The following ATL2 variants were observed in gnomAD, a reference collection of about 807,000 sequenced individuals.
ATL2 encodes atlastin-2.
ATL2 carries 31 observed loss-of-function variants against 73.9 expected under a neutral mutation model. The observed-to-expected ratio is 0.42, with a 90% CI of 0.32 to 0.57. ATL2 has a LOEUF of 0.57. Among genes scored for constraint, ATL2 ranks in the 20% least tolerant of loss-of-function variants. The pLI is 0.14. For missense variants in ATL2, 738 were observed against 702.6 expected, an observed-to-expected ratio of 1.05 and a Z score of -0.57; for synonymous variants, 291 against 237.5, an observed-to-expected ratio of 1.23 and a Z score of -2.07.
At chr2:38,364,200 T>G (rs960157865) in intron 1 of ATL2, among the ~76,000 whole-genome samples, 1 of 152,082 alleles carries the variant, frequency 6.6e-6, no homozygotes, top group Non-Finnish European at 1.5e-5. Flanking sequence ...AGGCAGAGGT[T>G]GCAGTGAGCC....
At chr2:38,371,839 G>C (rs1284073389) in intron 1 of ATL2, among the ~76,000 whole-genome samples, 1 of 151,892 alleles carries the variant, frequency 6.6e-6, no homozygotes, top group East Asian at 2.0e-4. Context: ...GGAGATTGCA[G>C]TGAGCCAAGA....
At chr2:38,300,193 T>C in intron 10 of ATL2, 79 bp downstream of exon 10, 5 of 1,291,788 alleles carry the variant, frequency 3.9e-6, no homozygotes, top group Non-Finnish European at 4.3e-6. Flanking sequence ...ATTTTCAGCA[T>C]TTCTCTCTAA....
chr2:38,340,173 G>A (rs1388755514), intron 2 of ATL2, among the ~76,000 whole-genome samples: 1 of 67,510 alleles, frequency 1.5e-5, no homozygotes, highest in East Asian at 4.3e-4. Context: ...AGTTTTGGTG[G>A]GGGGGGGGGG....
At chr2:38,322,014 T>C (rs1332276734) in intron 2 of ATL2, among the ~76,000 whole-genome samples, 4 of 152,146 alleles carry the variant, frequency 2.6e-5, no homozygotes, top group Non-Finnish European at 4.4e-5. Context: ...GATTCTACCA[T>C]ACCAAAAAAA....
At chr2:38,333,197 G>T (rs1669102791) in intron 2 of ATL2, among the ~76,000 whole-genome samples, 2 of 152,060 alleles carry the variant, frequency 1.3e-5, no homozygotes, top group South Asian at 4.2e-4. Context: ...GCCCTTCAGG[G>T]TCGATCACCT....
intron 2 of ATL2, among the ~76,000 whole-genome samples, chr2:38,330,639 A>G (rs1056212662): frequency 6.6e-5 from 10 of 152,244 alleles, no homozygotes; most frequent in Non-Finnish European, 5.9e-5. Flanking sequence ...AAATTAAGAA[A>G]GCAATTCCAT....
At chr2:38,363,593 G>A (rs1671135999) in intron 1 of ATL2, among the ~76,000 whole-genome samples, 1 of 152,024 alleles carries the variant, frequency 6.6e-6, no homozygotes, top group African/African-American at 2.4e-5. Flanking sequence ...CCCATCTTTG[G>A]CAAGATAAGC....
chr2:38,310,525 A>C, intron 7 of ATL2, 78 bp from the exon 8 acceptor site: 1 of 1,167,118 alleles, frequency 8.6e-7, no homozygotes, highest in Non-Finnish European at 1.2e-6. Flanking sequence ...ACAGACTCGC[A>C]TGCACACTAT....
At chr2:38,361,353 C>CA (rs921670483) in intron 1 of ATL2, among the ~76,000 whole-genome samples, 5,154 of 57,038 alleles carry the variant, frequency 0.09, 168 homozygotes, top group African/African-American at 0.12. Flanking sequence ...GACTCCGTCT[C>CA]AAAAAAAAAA....
intron 4 of ATL2, among the ~76,000 whole-genome samples, chr2:38,317,346 T>C (rs1021257943): frequency 1.3e-5 from 2 of 152,194 alleles, no homozygotes; most frequent in Middle Eastern, 3.2e-3. Context: ...CAGCCACAGA[T>C]GATCTCAGAA....
At chr2:38,298,972 C>T (rs1667048270) in intron 11 of ATL2, among the ~76,000 whole-genome samples, 1 of 152,156 alleles carries the variant, frequency 6.6e-6, no homozygotes, top group African/African-American at 2.4e-5. Context: ...ACTAATGCTA[C>T]CAACATCAGA....
chr2:38,309,324 G>C, intron 9 of ATL2, 55 bp downstream of exon 9: 1 of 1,523,928 alleles, frequency 6.6e-7, no homozygotes, highest in East Asian at 2.3e-5. Flanking sequence ...ATACAGATGA[G>C]TTTTAAGTCA....
intron 2 of ATL2, among the ~76,000 whole-genome samples, chr2:38,331,649 T>C (rs1471084030): frequency 6.7e-6 from 1 of 148,254 alleles, no homozygotes; most frequent in Non-Finnish European, 1.5e-5. Context: ...TGTATACAGA[T>C]CAATGGAATA....
At chr2:38,340,932 G>C (rs1669676643) in intron 2 of ATL2, among the ~76,000 whole-genome samples, 1 of 152,128 alleles carries the variant, frequency 6.6e-6, no homozygotes, top group African/African-American at 2.4e-5. Flanking sequence ...CATAACCTTT[G>C]CATGGCTTCT....
At position 38,370,573 on chromosome 2, in the gene ATL2, C is replaced by G. The variant is rs1421227122; in HGVS notation, c.118+6570G>C. ...ATCACTTGTGGTCAGAAGTTTGAGA[C>G]CAGCCTGACCAACGTGGTAAGACCC... On this transcript the variant is annotated intron_variant, in intron 1 of 12. Coordinates refer to ENST00000378954, the MANE Select transcript of ATL2 (RefSeq NM_001135673.4). Among the ~76,000 whole-genome samples the G allele has an allele frequency of 2.0e-5, 3 of 151,806 alleles. No individual in the cohort carries two copies. The East Asian group carries it at 5.8e-4, about 29-fold the overall frequency.
At chr2:38,357,266 T>G (rs1037827858) in intron 1 of ATL2, among the ~76,000 whole-genome samples, 1 of 151,944 alleles carries the variant, frequency 6.6e-6, no homozygotes, top group Non-Finnish European at 1.5e-5. Context: ...AGGCAGAGGT[T>G]GCAGAGAGCC....
At chr2:38,303,787 T>G (rs1667305910) in intron 9 of ATL2, among the ~76,000 whole-genome samples, 1 of 152,024 alleles carries the variant, frequency 6.6e-6, no homozygotes, top group Non-Finnish European at 1.5e-5. Flanking sequence ...TTGACCCAAA[T>G]AAGACTACCT....
At chr2:38,376,102 T>C (rs1275701611) in intron 1 of ATL2, 1 of 1,480,418 alleles carries the variant, frequency 6.8e-7, no homozygotes, top group East Asian at 2.5e-5. Context: ...AACTCTTATC[T>C]TGGCCGTACT....
chr2:38,337,399 T>C (rs567116234), intron 2 of ATL2, among the ~76,000 whole-genome samples: 84 of 142,108 alleles, frequency 5.9e-4, no homozygotes, highest in African/African-American at 2.1e-3. Flanking sequence ...GGCAGGAGAA[T>C]TGCTTGAACC....
Sources: gnomAD v4.1 joint callset for allele counts (sites outside exome capture counted in the v4.1 genomes callset) on GRCh38, gnomAD v4.1.1 for gene constraint, MANE v1.5 for transcripts, NCBI Gene and HGNC (gene_info 2026-07-23, HGNC 2026-07-21) for gene names.